HMGA2: variants seen among roughly 807,000 people sequenced by gnomAD.
HMGA2 encodes the protein high mobility group AT-hook 2, also known as high mobility group protein HMGI-C.
In HMGA2, 8 loss-of-function variants were observed where a neutral mutation model predicts 19.1. That is an observed-to-expected ratio of 0.42 (90% CI 0.25 to 0.76). The LOEUF (loss-of-function observed/expected upper bound fraction) is 0.76. Among genes scored for constraint, HMGA2 ranks in the 30% least tolerant of loss-of-function variants. HMGA2 has a pLI of 0.28. For synonymous variants in HMGA2, 60 were observed against 48.8 expected, an observed-to-expected ratio of 1.23 and a Z score of -0.96; for missense variants, 109 against 136.3, an observed-to-expected ratio of 0.80 and a Z score of 1.00.
chr12:65,886,364 T>C (rs1873654659), intron 3 of HMGA2, among the ~76,000 whole-genome samples: 1 of 126,982 alleles, frequency 7.9e-6, no homozygotes, highest in South Asian at 2.3e-4. Context: ...TTTTTCTCTC[T>C]TTTTTTTTTT....
chr12:65,932,913 G>A (rs561129033), intron 3 of HMGA2, among the ~76,000 whole-genome samples: 1 of 152,264 alleles, frequency 6.6e-6, no homozygotes, highest in South Asian at 2.1e-4. Flanking sequence ...AATGACTATA[G>A]CCAATGAGGT....
At chr12:65,863,799 AC>A (rs1406194322) in intron 3 of HMGA2, among the ~76,000 whole-genome samples, 1 of 152,206 alleles carries the variant, frequency 6.6e-6, no homozygotes, top group Admixed American at 6.5e-5. Context: ...AAGTATTCAA[AC>A]CTTTTGAAGG....
Position 65,825,519 on chromosome 12 carries a change from C to T in HMGA2, c.111+138C>T. On this transcript the variant is annotated intron_variant, in intron 1 of 4. Coordinates refer to ENST00000403681, the MANE Select transcript of HMGA2 (RefSeq NM_003483.6). This position sits in a 1 kb window ranked among gnomAD's most constrained non-coding sequence, Gnocchi z 4.4. ...CTGCCCGCCGGCCGGCCGGGGGGAG[C>T]GGCGCAGACCCCACGAGTGCGCCGC... 2.8e-6 allele frequency: 1 copy of T among 355,130 alleles called. No individual in the cohort carries two copies. Among genetic ancestry groups the T allele is most frequent in the Non-Finnish European group, 4.4e-6 (1 of 226,506 alleles). 22.0% of individuals were successfully genotyped at this position (355,130 alleles called of 1,614,324 possible).
intron 3 of HMGA2, chr12:65,842,111 CT>C (rs781694121): frequency 1.8e-5 from 23 of 1,288,920 alleles, no homozygotes; most frequent in African/African-American, 4.6e-5. Flanking sequence ...AATTGGGTCT[CT>C]TTTTTTCCTG....
At chr12:65,929,698 A>C (rs545084141) in intron 3 of HMGA2, among the ~76,000 whole-genome samples, 1 of 152,300 alleles carries the variant, frequency 6.6e-6, no homozygotes, top group East Asian at 1.9e-4. Flanking sequence ...CTTCAAGCAC[A>C]GGAAGCACCT....
At chr12:65,897,905 G>A (rs546612601) in intron 3 of HMGA2, among the ~76,000 whole-genome samples, 7 of 151,778 alleles carry the variant, frequency 4.6e-5, no homozygotes, top group African/African-American at 7.3e-5. Context: ...TGGAGGTTGC[G>A]GTGAGCTGAG....
At chr12:65,927,030 G>A (rs1308412381) in intron 3 of HMGA2, among the ~76,000 whole-genome samples, 4 of 152,208 alleles carry the variant, frequency 2.6e-5, no homozygotes, top group Non-Finnish European at 5.9e-5. Flanking sequence ...TGGCGTGGAT[G>A]TTACTCTTTT....
intron 3 of HMGA2, among the ~76,000 whole-genome samples, chr12:65,861,747 ATT>A (rs921163385): frequency 6.6e-6 from 1 of 151,230 alleles, no homozygotes; most frequent in Non-Finnish European, 1.5e-5. Context: ...TTATACTTAA[ATT>A]TTTTTTCTCT....
intron 3 of HMGA2, among the ~76,000 whole-genome samples, chr12:65,909,834 G>A (rs1472613740): frequency 6.6e-6 from 1 of 152,196 alleles, no homozygotes; most frequent in Non-Finnish European, 1.5e-5. Flanking sequence ...TTTTAAGCCT[G>A]TAGGAGTAAA....
chr12:65,831,513 C>A (rs989036550), intron 2 of HMGA2, among the ~76,000 whole-genome samples: 1 of 151,494 alleles, frequency 6.6e-6, no homozygotes, highest in African/African-American at 2.4e-5. Context: ...TATATTTGTT[C>A]ACCACCCTTT....
At chr12:65,842,361 T>C (rs1284149183) in intron 3 of HMGA2, 2 of 615,668 alleles carry the variant, frequency 3.2e-6, no homozygotes, top group African/African-American at 1.8e-5. Context: ...GAAATTATGA[T>C]TAATTTCACT....
At chr12:65,949,389 CA>C (rs1876378842) in intron 3 of HMGA2, among the ~76,000 whole-genome samples, 2 of 151,808 alleles carry the variant, frequency 1.3e-5, no homozygotes, top group South Asian at 4.2e-4. Flanking sequence ...AATGAATGAA[CA>C]GGGGCTAGTG....
chr12:65,897,832 C>T (rs1320048358), intron 3 of HMGA2, among the ~76,000 whole-genome samples: 1 of 151,960 alleles, frequency 6.6e-6, no homozygotes, highest in Non-Finnish European at 1.5e-5. Flanking sequence ...TGGTGGCACG[C>T]CCCTGTTGTA....
chr12:65,921,468 C>T (rs1320058214), intron 3 of HMGA2, among the ~76,000 whole-genome samples: 87 of 152,198 alleles, frequency 5.7e-4, no homozygotes, highest in Non-Finnish European at 1.5e-4. Flanking sequence ...ACGATGGTCT[C>T]GATCTCCTGA....
At chr12:65,943,391 G>A (rs980255336) in intron 3 of HMGA2, among the ~76,000 whole-genome samples, 6 of 152,138 alleles carry the variant, frequency 3.9e-5, no homozygotes, top group African/African-American at 1.4e-4. Context: ...CAGCCCCCCA[G>A]TCTGTTCTCA....
At chr12:65,851,836 C>T (rs1871487595) in intron 3 of HMGA2, among the ~76,000 whole-genome samples, 1 of 152,128 alleles carries the variant, frequency 6.6e-6, no homozygotes, top group African/African-American at 2.4e-5. Flanking sequence ...ACACTACGTT[C>T]GTGATGAAAG....
chr12:65,825,256 G>A lies in HMGA2; in HGVS notation c.-15G>A. ...CGAAGCGGCTGCAGCGGCGGTAGCG[G>A]CGGCGGGAGGCAGGATGAGCGCACG... On this transcript the variant is annotated 5_prime_UTR_variant, in exon 1 of 5. Coordinates refer to ENST00000403681, the MANE Select transcript of HMGA2 (RefSeq NM_003483.6). This position sits in a 1 kb window ranked among gnomAD's most constrained non-coding sequence, Gnocchi z 4.4. The A allele has an allele frequency of 2.6e-6, 4 of 1,524,660 alleles. No individual in the cohort carries two copies. The highest frequency in any genetic ancestry group is 2.6e-6 in the Non-Finnish European group (3 of 1,140,646). 94.4% of individuals were successfully genotyped at this position (1,524,660 alleles called of 1,614,324 possible). A position where few individuals can be genotyped will look rare whatever the true frequency, so the allele number is the denominator to read the frequency against.
rs1388510501 is a variant in HMGA2 at position 65,878,037 on chromosome 12, G to A, written c.249+39468G>A. On this transcript the variant is annotated intron_variant, in intron 3 of 4. Transcript: ENST00000403681. ...ACCTACTTGCACCCCAGCCAAGGGTGAGGTGTCCTGGGGAGTGTTCACACT... is the reference window on the plus strand; with the variant it reads ...ACCTACTTGCACCCCAGCCAAGGGTAAGGTGTCCTGGGGAGTGTTCACACT... Among the ~76,000 whole-genome samples, 5 of 152,300 alleles carry A rather than the reference G, an allele frequency of 3.3e-5. 1 individual carries two copies. In the South Asian group the frequency reaches 6.2e-4, roughly 19 times the overall value.
chr12:65,825,231 C>A lies in HMGA2; in HGVS notation c.-40C>A. 6 of 1,491,912 alleles carry A rather than the reference C, an allele frequency of 4.0e-6. No homozygotes were observed. Among genetic ancestry groups the A allele is most frequent in the Non-Finnish European group, 5.4e-6 (6 of 1,115,082 alleles). The allele number at this position is 1,491,912 out of a possible 1,614,324, so 92.4% of individuals were successfully genotyped here. A position where few individuals can be genotyped will look rare whatever the true frequency, so the allele number is the denominator to read the frequency against. On this transcript the variant is annotated 5_prime_UTR_variant, in exon 1 of 5. Transcript: ENST00000403681. This position sits in a 1 kb window ranked among gnomAD's most constrained non-coding sequence, Gnocchi z 4.4. ...CTGGGCAGCTCCGGGGCGGTCGAGG[C>A]GAAGCGGCTGCAGCGGCGGTAGCGG...
Sources: allele counts gnomAD v4.1 joint callset (sites outside exome capture counted in the v4.1 genomes callset), GRCh38; gene constraint gnomAD v4.1.1; non-coding constraint Gnocchi (gnomAD v3.1); transcripts MANE v1.5; gene names NCBI Gene and HGNC (gene_info 2026-07-23, HGNC 2026-07-21).